GUCY1B1: variants seen among roughly 807,000 people sequenced by gnomAD.
The protein encoded by GUCY1B1 is guanylate cyclase 1 soluble subunit beta 1.
In GUCY1B1, 43 loss-of-function variants were observed where a neutral mutation model predicts 71.0. The observed-to-expected ratio is 0.61, with a 90% confidence interval of 0.47 to 0.78. The LOEUF (loss-of-function observed/expected upper bound fraction) is 0.78, where lower values mean the gene tolerates loss of function less well. Among genes scored for constraint, GUCY1B1 ranks in the 30% least tolerant of loss-of-function variants. The pLI, the probability that GUCY1B1 is intolerant of heterozygous loss-of-function variation, is 0.00. For missense variants in GUCY1B1, 535 were observed against 754.1 expected (o/e 0.71, Z 3.40); for synonymous variants, 266 against 259.7 (o/e 1.02, Z -0.23).
chr4:155,796,900 T>C (rs911022678), intron 8 of GUCY1B1, among the ~76,000 whole-genome samples: 1 of 152,220 alleles, frequency 6.6e-6, no homozygotes, highest in African/African-American at 2.4e-5. Context: ...TCAAAAATTA[T>C]CTTTTCTATA....
chr4:155,776,518 A>G (rs770830056), intron 3 of GUCY1B1, among the ~76,000 whole-genome samples: 104 of 152,016 alleles, frequency 6.8e-4, no homozygotes, highest in Non-Finnish European at 1.2e-3. Flanking sequence ...AAAAATACAA[A>G]AATTATCCAG....
At chr4:155,765,040 AAATCAGAGG>A (rs1477707655) in intron 2 of GUCY1B1, among the ~76,000 whole-genome samples, 4 of 152,114 alleles carry the variant, frequency 2.6e-5, no homozygotes, top group African/African-American at 7.2e-5. Context: ...ATTAAAAAAA[AAATCAGAGG>A]AGTACATCAC....
chr4:155,806,188 C>T (rs1740297975), intron 13 of GUCY1B1, among the ~76,000 whole-genome samples, 198 bp from the exon 14 acceptor site: 1 of 152,132 alleles, frequency 6.6e-6, no homozygotes, highest in Non-Finnish European at 1.5e-5. Context: ...TTCTGATAAA[C>T]TAAGCCGTAA....
chr4:155,783,910 A>G (rs1870534), intron 4 of GUCY1B1, among the ~76,000 whole-genome samples: 52,166 of 152,022 alleles, frequency 0.34, 9,071 homozygotes, highest in Middle Eastern at 0.49. Context: ...AAATAGTTTT[A>G]TTTTTTAAAA....
intron 4 of GUCY1B1, among the ~76,000 whole-genome samples, chr4:155,778,406 G>T (rs1441061891): frequency 6.6e-6 from 1 of 152,136 alleles, no homozygotes; most frequent in Non-Finnish European, 1.5e-5. Context: ...ATAGTTGTTT[G>T]CAAAGGATAT....
At chr4:155,761,119 A>G (rs1460452874) in intron 2 of GUCY1B1, among the ~76,000 whole-genome samples, 3 of 152,220 alleles carry the variant, frequency 2.0e-5, no homozygotes, top group Non-Finnish European at 4.4e-5. Context: ...TTACCTACAT[A>G]TTATAAACAG....
At chr4:155,776,724 A>T (rs2111040663) in intron 3 of GUCY1B1, among the ~76,000 whole-genome samples, 1 of 152,314 alleles carries the variant, frequency 6.6e-6, no homozygotes, top group South Asian at 2.1e-4. Flanking sequence ...AATATTAATG[A>T]TTGTTTATTA....
At chr4:155,764,413 A>G (rs534252936) in intron 2 of GUCY1B1, among the ~76,000 whole-genome samples, 1 of 152,304 alleles carries the variant, frequency 6.6e-6, no homozygotes, top group South Asian at 2.1e-4. Flanking sequence ...TAATTCCCAT[A>G]TGTAATTACT....
intron 9 of GUCY1B1, among the ~76,000 whole-genome samples, chr4:155,801,116 A>G (rs1739923102): frequency 6.6e-6 from 1 of 152,216 alleles, no homozygotes; most frequent in South Asian, 2.1e-4. Context: ...CAGCTTAAGC[A>G]GAGTATTAGC....
chr4:155,791,600 G>A lies in GUCY1B1; in HGVS notation c.495+1689G>A, dbSNP rs540707670. Among the ~76,000 whole-genome samples the A allele has an allele frequency of 2.4e-4, 36 of 150,808 alleles. No homozygotes were observed. The South Asian group carries it at 4.0e-3, about 17-fold the overall frequency. The stretch of plus-strand genomic sequence containing the variant: ...TAAAAAAATAGCCAGGCGTGGTGGC[G>A]GGCGCCTATAATCCCAGCTACTCGG... On this transcript the variant is annotated intron_variant, in intron 5 of 13. Transcript: ENST00000264424.
At chr4:155,781,108 G>C (rs534633584) in intron 4 of GUCY1B1, among the ~76,000 whole-genome samples, 17 of 152,168 alleles carry the variant, frequency 1.1e-4, no homozygotes, top group African/African-American at 4.1e-4. Flanking sequence ...CCATACCATT[G>C]TTTTTACTTT....
At chr4:155,793,602 A>G (rs528971283) in intron 5 of GUCY1B1, among the ~76,000 whole-genome samples, 1 of 152,250 alleles carries the variant, frequency 6.6e-6, no homozygotes, top group South Asian at 2.1e-4. Flanking sequence ...TAATTCTACC[A>G]AAGAGACCAT....
At chr4:155,801,505 G>A (rs1013609957) in intron 9 of GUCY1B1, among the ~76,000 whole-genome samples, 4 of 152,066 alleles carry the variant, frequency 2.6e-5, no homozygotes, top group Admixed American at 6.6e-5. Context: ...ATGAAAGACC[G>A]GAGAAATTCT....
chr4:155,803,700 G>A lies in GUCY1B1; in HGVS notation c.1490G>A (p.Cys497Tyr). ...TGCATTCACCATGCACGATCCATCT[G>A]CCACCTGGCCTTGGACATGATGGAA... is the stretch of plus-strand genomic sequence containing the variant. ...EPCIHHARSI[C>Y]HLALDMMEIA... is the part of the protein sequence containing the mutation. Residue 497 changes from cysteine to tyrosine, a missense_variant, in exon 11 of 14, where the codon TGC (cysteine) becomes TAC (tyrosine). By Grantham distance (194) the Cys-to-Tyr change is radical. Coordinates refer to ENST00000264424, the MANE Select transcript of GUCY1B1 (RefSeq NM_000857.5). 6.2e-7 allele frequency: 1 copy of A among 1,603,096 alleles called. No individual in the cohort carries two copies. Among genetic ancestry groups the A allele is most frequent in the Non-Finnish European group, 8.5e-7 (1 of 1,174,418 alleles).
chr4:155,805,735 G>A (rs1740269739), intron 13 of GUCY1B1, among the ~76,000 whole-genome samples: 1 of 152,176 alleles, frequency 6.6e-6, no homozygotes, highest in South Asian at 2.1e-4. Context: ...CTCCTAGATA[G>A]ATGAGTGATT....
chr4:155,792,322 A>G (rs982281974), intron 5 of GUCY1B1, among the ~76,000 whole-genome samples: 5 of 152,318 alleles, frequency 3.3e-5, no homozygotes, highest in South Asian at 2.1e-4. Flanking sequence ...TGAATAATTA[A>G]TTCATAAGTT....
rs567923420 is a variant in GUCY1B1, at chr4:155,805,718, T to A, written c.1836+489T>A. Among the ~76,000 whole-genome samples, 15 of 152,308 alleles carry A rather than the reference T, an allele frequency of 9.8e-5. No homozygotes were observed. The South Asian group carries it at 3.1e-3, about 32-fold the overall frequency. The stretch of plus-strand genomic sequence containing the variant: ...GAATTTTGGAAATCCTAGTCCCTCA[T>A]GTGTTTCTCCTAGATAGATGAGTGA... On this transcript the variant is annotated intron_variant, in intron 13 of 13. Coordinates refer to ENST00000264424, the MANE Select transcript of GUCY1B1 (RefSeq NM_000857.5).
chr4:155,793,323 C>T (rs1193301728), intron 5 of GUCY1B1, among the ~76,000 whole-genome samples: 1 of 152,088 alleles, frequency 6.6e-6, no homozygotes, highest in Non-Finnish European at 1.5e-5. Flanking sequence ...GTGACCTGTC[C>T]GCCCCACCCT....
intron 5 of GUCY1B1, among the ~76,000 whole-genome samples, chr4:155,792,835 G>A (rs921727782): frequency 1.3e-5 from 2 of 152,020 alleles, no homozygotes; most frequent in African/African-American, 4.8e-5. Context: ...TAATGTATTT[G>A]CCTGTGAATA....
Sources: gnomAD v4.1 joint callset for allele counts (sites outside exome capture counted in the v4.1 genomes callset) on GRCh38, gnomAD v4.1.1 for gene constraint, MANE v1.5 for transcripts, NCBI Gene and HGNC (gene_info 2026-07-23, HGNC 2026-07-21) for gene names.